The following APC2 variants were observed in gnomAD, a reference collection of about 807,000 sequenced individuals.
APC2 encodes APC regulator of Wnt signaling pathway 2.
A neutral mutation model predicts 72.5 loss-of-function variants in APC2; 41 were observed. That is an observed-to-expected ratio of 0.57 (90% CI 0.44 to 0.73). The LOEUF (loss-of-function observed/expected upper bound fraction) is 0.73. Ranked by LOEUF, APC2 falls within the 30% of genes least tolerant of loss-of-function variation. The probability of loss-of-function intolerance (pLI) is 0.00; values close to 1 mark genes in which losing one functional copy is unlikely to be tolerated. For synonymous variants in APC2, 1,898 were observed against 1,612.0 expected (o/e 1.18, Z -4.25); for missense variants, 3,729 against 3,403.4 (o/e 1.10, Z -2.38).
rs1363263920 is a variant in APC2, at chr19:1,465,987, C to T, written c.2686C>T (p.Arg896Cys). The T allele has an allele frequency of 3.3e-6, 5 of 1,522,420 alleles. No homozygotes were observed. Among genetic ancestry groups the T allele is most frequent in the Non-Finnish European group, 4.4e-6 (5 of 1,144,198 alleles). 94.3% of individuals were successfully genotyped at this position (1,522,420 alleles called of 1,614,324 possible). Residue 896 changes from arginine (R) to cysteine (C), a missense_variant, in exon 15 of 15, where the codon CGC becomes TGC. Arg to Cys is a radical substitution (Grantham distance 180). Transcript: ENST00000590469. ...EGRAQSCSPC[R>C]GPEGGRREAG... is the part of the protein sequence containing the mutation. ...CCGCGCCCAGTCCTGCTCGCCATGC[C>T]GCGGCCCGGAGGGCGGGCGGCGAGA... is the stretch of plus-strand genomic sequence containing the variant.
chr19:1,468,562 G>T lies in APC2; in HGVS notation c.5261G>T (p.Arg1754Met). 1 of 1,597,782 alleles carries T rather than the reference G, an allele frequency of 6.3e-7. No individual in the cohort carries two copies. Among genetic ancestry groups the T allele is most frequent in the Non-Finnish European group, 8.6e-7 (1 of 1,169,464 alleles). Residue 1754 changes from arginine (R) to methionine (M), a missense_variant, in exon 15 of 15, where the codon AGG becomes ATG. Physicochemically the swap from Arg to Met is moderately conservative, Grantham distance 91. Transcript: ENST00000590469. ...EMGSARRPEK[R>M]GAASVKTSGS... ...GGCAGTGCCCGGCGGCCAGAGAAAA[G>T]GGGCGCAGCCTCAGTCAAGACCAGC... is the stretch of plus-strand genomic sequence containing the variant.
rs1228301022 is a variant in APC2, at chr19:1,472,732, G to A, written c.*2519G>A. On this transcript the variant is annotated 3_prime_UTR_variant, in exon 15 of 15. Coordinates refer to ENST00000590469, the MANE Select transcript of APC2 (RefSeq NM_005883.3). ...CGCGGTCTCTGGACAATCAACTCAA[G>A]GTACGCCCACTGCAAGGCCTCCCTC... The A allele has an allele frequency of 6.6e-6, 1 of 152,362 alleles. No homozygotes were observed. Among genetic ancestry groups the A allele is most frequent in the South Asian group, 2.1e-4 (1 of 4,842 alleles). The allele number at this position is 152,362 out of a possible 1,614,324, so 9.4% of individuals were successfully genotyped here.
intron 12 of APC2, 61 bp downstream of exon 12, chr19:1,460,918 C>G (rs2083912671): frequency 6.2e-7 from 1 of 1,600,606 alleles, no homozygotes. Flanking sequence ...AGGCCCCTCC[C>G]CAGCGGTGTG....
chr19:1,453,674 T>C (rs2083775577), intron 4 of APC2, 63 bp downstream of exon 4: 2 of 1,535,548 alleles, frequency 1.3e-6, no homozygotes, highest in African/African-American at 1.4e-5. Context: ...CAGCGGGCTC[T>C]GCCCTCTAAT....
intron 4 of APC2, among the ~76,000 whole-genome samples, 161 bp downstream of exon 4, chr19:1,453,772 C>T (rs1474842923): frequency 2.6e-5 from 4 of 152,222 alleles, no homozygotes; most frequent in African/African-American, 9.6e-5. Flanking sequence ...CCGCCCACCT[C>T]GGAGCTTCGT....
chr19:1,462,687 G>A (rs1224202175), intron 14 of APC2, among the ~76,000 whole-genome samples: 5 of 133,814 alleles, frequency 3.7e-5, no homozygotes, highest in Non-Finnish European at 7.7e-5. Flanking sequence ...AAAAATTCAG[G>A]CAGCCAGGCG....
chr19:1,465,545 G>T lies in APC2; in HGVS notation c.2244G>T (p.Pro748=), dbSNP rs1189015066. ...ALEHLEKQGP[P]AAEAATKKPL... ...AGCACCTGGAGAAGCAGGGCCCGCC[G>T]GCAGCCGAGGCCGCCACTAAGAAGC... The change falls in exon 15 of 15, where the codon CCG becomes CCT. Residue 748 remains proline, a synonymous_variant. Coordinates refer to ENST00000590469, the MANE Select transcript of APC2 (RefSeq NM_005883.3). The T allele has an allele frequency of 6.5e-7, 1 of 1,533,900 alleles. No individual in the cohort carries two copies. The highest frequency in any genetic ancestry group is 2.5e-5 in the East Asian group (1 of 40,282).
rs531596908 is a variant in APC2 at position 1,466,034 on chromosome 19, G to A, written c.2733G>A (p.Pro911=). Residue 911 remains proline, a synonymous_variant, in exon 15 of 15, where the codon CCG becomes CCA. Coordinates refer to ENST00000590469, the MANE Select transcript of APC2 (RefSeq NM_005883.3). ...GRREAGSRAH[P]LLRLKAAHAS... ...GAGAGGCAGGAAGCCGGGCGCACCC[G>A]CTGCTGCGGCTCAAGGCGGCCCACG... 39 of 1,495,394 alleles carry A rather than the reference G, an allele frequency of 2.6e-5. No individual in the cohort carries two copies. In the South Asian group the frequency reaches 4.9e-4, roughly 19 times the overall value. The allele number at this position is 1,495,394 out of a possible 1,614,324, so 92.6% of individuals were successfully genotyped here.
chr19:1,468,364 C>A lies in APC2; in HGVS notation c.5063C>A (p.Ala1688Asp). ...ASDLDSVEWR[A>D]IQEGANSIVT... is the part of the protein sequence containing the mutation. The stretch of plus-strand genomic sequence containing the variant: ...GACCTGGATAGCGTGGAGTGGCGCG[C>A]CATCCAGGAGGGCGCCAATTCAATT... Residue 1688 changes from alanine (A) to aspartate (D), a missense_variant, in exon 15 of 15, where the codon GCC becomes GAC. By Grantham distance (126) the Ala-to-Asp change is moderately radical (BLOSUM62 -2). Coordinates refer to ENST00000590469, the MANE Select transcript of APC2 (RefSeq NM_005883.3). The A allele has an allele frequency of 6.4e-7, 1 of 1,571,438 alleles. No individual in the cohort carries two copies.
chr19:1,452,673 A>G lies in APC2; in HGVS notation c.-18-311A>G. 1 of 324,996 alleles carries G rather than the reference A, an allele frequency of 3.1e-6. No homozygotes were observed. The allele number at this position is 324,996 out of a possible 1,614,324, so 20.1% of individuals were successfully genotyped here. On this transcript the variant is annotated intron_variant, in intron 1 of 14. Coordinates refer to ENST00000590469, the MANE Select transcript of APC2 (RefSeq NM_005883.3). The surrounding 1 kb of genome is among the most constrained non-coding windows in gnomAD (Gnocchi z 5.1). ...GTCAGGATGTGTCCTGGGGGCTGGG[A>G]AGGAGAGGCCGACCCATCGTCTGTC...
chr19:1,458,354 A>C, intron 10 of APC2: 1 of 444,158 alleles, frequency 2.3e-6, no homozygotes, highest in Non-Finnish European at 4.1e-6. Flanking sequence ...AAGGGCAAAG[A>C]TAGATAGAAG....
In APC2 at chr19:1,456,841, C is replaced by T; in HGVS notation, c.817-12C>T. ...GGTGAGGGACCCCACCCTGACCCTG[C>T]CCTCCCCCCAGGTGGAGGTGGTCTT... On this transcript the variant is annotated splice_polypyrimidine_tract_variant and intron_variant, in intron 8 of 14. Transcript: ENST00000590469. The T allele has an allele frequency of 6.3e-7, 1 of 1,591,140 alleles. No individual in the cohort carries two copies.
intron 4 of APC2, among the ~76,000 whole-genome samples, chr19:1,454,563 CTT>C (rs71174371): frequency 6.9e-5 from 8 of 116,130 alleles, no homozygotes; most frequent in Admixed American, 1.7e-4. Flanking sequence ...ATCTTTTGTA[CTT>C]TTTTTTTTTT....
intron 4 of APC2, among the ~76,000 whole-genome samples, chr19:1,454,041 T>TC (rs2083781217): frequency 6.6e-6 from 1 of 151,944 alleles, no homozygotes; most frequent in South Asian, 2.1e-4. Context: ...GGAGGCAGGG[T>TC]CTGGGCACCC....
At position 1,460,328 on chromosome 19, in the gene APC2, G is replaced by T; in HGVS notation, c.1443+8G>T. On this transcript the variant is annotated splice_region_variant and intron_variant, in intron 11 of 14. Transcript: ENST00000590469. Reference sequence around the variant, plus strand: ...GGGGACGTTGCCAACAAGGTGCCCGGGGGCAGTGGGTGGGCTGGCACTTTC... The same window carrying T: ...GGGGACGTTGCCAACAAGGTGCCCGTGGGCAGTGGGTGGGCTGGCACTTTC... The T allele has an allele frequency of 1.9e-6, 3 of 1,613,278 alleles. No individual in the cohort carries two copies. Among genetic ancestry groups the T allele is most frequent in the South Asian group, 2.2e-5 (2 of 91,082 alleles).
At chr19:1,457,307 A>T in intron 9 of APC2, 64 bp downstream of exon 9, 1 of 1,460,114 alleles carries the variant, frequency 6.8e-7, no homozygotes, top group Non-Finnish European at 9.0e-7. Flanking sequence ...TTCCCGGGGG[A>T]TGGGCGACTA....
In APC2 at chr19:1,450,221, G is replaced by C; in HGVS notation, c.-136G>C. On this transcript the variant is annotated 5_prime_UTR_variant, in exon 1 of 15. Transcript: ENST00000590469. ...CCCCTGCCCGCGCCGCGGAGACCCC[G>C]GAGCCCGCGCGCTCCGAGGCCACCC... 1.0e-6 allele frequency: 1 copy of C among 985,130 alleles called. No individual in the cohort carries two copies. Among genetic ancestry groups the C allele is most frequent in the Non-Finnish European group, 1.2e-6 (1 of 829,812 alleles). 61.0% of individuals were successfully genotyped at this position (985,130 alleles called of 1,614,324 possible).
Position 1,467,155 on chromosome 19 carries a change from A to C in APC2, c.3854A>C (p.Glu1285Ala). The change falls in exon 15 of 15, where the codon GAG (glutamate) becomes GCG (alanine). Residue 1285 changes from glutamate to alanine, a missense_variant. By Grantham distance (107) the Glu-to-Ala change is moderately radical. Transcript: ENST00000590469. ...AGCCTCAGCGCGCTGGCCTTGCACG[A>C]GCACTACGTGCAGCAGGACGTGGAG... ...ASSLSALALH[E>A]HYVQQDVELR... The C allele has an allele frequency of 6.4e-7, 1 of 1,561,642 alleles. No homozygotes were observed. Among genetic ancestry groups the C allele is most frequent in the Non-Finnish European group, 8.7e-7 (1 of 1,153,866 alleles).
At chr19:1,450,075 A>G, upstream of APC2, 2 of 939,814 alleles carry the variant, frequency 2.1e-6, no homozygotes, top group Non-Finnish European at 2.5e-6. Flanking sequence ...CCGCGCCCTC[A>G]TTGGCTGTCT....
Sources: allele counts gnomAD v4.1 joint callset (sites outside exome capture counted in the v4.1 genomes callset), GRCh38; gene constraint gnomAD v4.1.1; non-coding constraint Gnocchi (gnomAD v3.1); transcripts MANE v1.5; gene names NCBI Gene and HGNC (gene_info 2026-07-23, HGNC 2026-07-21).